The following RICTOR variants were observed in gnomAD, a reference collection of about 807,000 sequenced individuals.
RICTOR encodes RPTOR independent companion of MTOR complex 2.
A neutral mutation model predicts 214.9 loss-of-function variants in RICTOR; 49 were observed. The ratio of observed to expected loss-of-function variants is 0.23; its 90% CI spans 0.18 to 0.29. The LOEUF (loss-of-function observed/expected upper bound fraction) is 0.29, where lower values mean the gene tolerates loss of function less well. Ranked by LOEUF, RICTOR falls within the 10% of genes least tolerant of loss-of-function variation. The pLI is 1.00. For synonymous variants in RICTOR, 717 were observed against 711.3 expected (o/e 1.01, Z -0.13); for missense variants, 1,625 against 2,047.0 (o/e 0.79, Z 3.98).
At position 38,949,903 on chromosome 5, in the gene RICTOR, T is replaced by C. The variant is rs1429262245; in HGVS notation, c.3945A>G (p.Ala1315=). The C allele has an allele frequency of 1.2e-6, 2 of 1,613,476 alleles. No individual in the cohort carries two copies. The highest frequency in any genetic ancestry group is 1.7e-6 in the Non-Finnish European group (2 of 1,179,546). Residue 1315 remains alanine, a synonymous_variant, in exon 31 of 38, where the codon GCA becomes GCG. Coordinates refer to ENST00000357387, the MANE Select transcript of RICTOR (RefSeq NM_152756.5). Reference sequence around the variant, plus strand: ...AACTTGTGTAACTAAAGTTACAATCTGCTAGACTTTTAATTGTAGCAATAG... The same window carrying C: ...AACTTGTGTAACTAAAGTTACAATCCGCTAGACTTTTAATTGTAGCAATAG... ...APSIATIKSL[A]DCNFSYTSSR...
At chr5:39,059,112 T>G (rs868546772) in intron 2 of RICTOR, among the ~76,000 whole-genome samples, 16 of 152,134 alleles carry the variant, frequency 1.1e-4, no homozygotes, top group South Asian at 4.1e-4. Flanking sequence ...ATAACACACC[T>G]GATACACATG....
chr5:39,064,291 A>G (rs1580226074), intron 2 of RICTOR, among the ~76,000 whole-genome samples: 1 of 152,244 alleles, frequency 6.6e-6, no homozygotes, highest in East Asian at 1.9e-4. Context: ...TTAACAGTCA[A>G]CTTCAATTAT....
rs969466713 is a variant in RICTOR, at chr5:38,939,395, T to C, written c.*2909A>G. On this transcript the variant is annotated 3_prime_UTR_variant, in exon 38 of 38. Transcript: ENST00000357387. Reference sequence around the variant, plus strand: ...AGCCTCTTTTAATGTCACTGTCATATAGAATGTCCATATTCTACTAATCGT... The same window carrying C: ...AGCCTCTTTTAATGTCACTGTCATACAGAATGTCCATATTCTACTAATCGT... The C allele has an allele frequency of 4.3e-6, 1 of 232,344 alleles. No individual in the cohort carries two copies. The highest frequency in any genetic ancestry group is 8.5e-6 in the Non-Finnish European group (1 of 117,492). 14.4% of individuals were successfully genotyped at this position (232,344 alleles called of 1,614,324 possible).
intron 24 of RICTOR, 125 bp downstream of exon 24, chr5:38,958,318 C>A: frequency 3.1e-6 from 2 of 644,450 alleles, no homozygotes; most frequent in Non-Finnish European, 5.5e-6. Flanking sequence ...AATGAAAAGA[C>A]AATGTTTCAA....
intron 4 of RICTOR, among the ~76,000 whole-genome samples, chr5:39,003,158 T>A (rs1262147233): frequency 6.6e-6 from 1 of 152,164 alleles, no homozygotes; most frequent in Non-Finnish European, 1.5e-5. Context: ...AAGATAGTTA[T>A]AAAGCCATAT....
At chr5:39,050,722 T>C (rs1257517750) in intron 2 of RICTOR, among the ~76,000 whole-genome samples, 1 of 152,168 alleles carries the variant, frequency 6.6e-6, no homozygotes, top group African/African-American at 2.4e-5. Flanking sequence ...TAGAAATACA[T>C]ACTGATGATC....
chr5:39,049,859 A>G (rs193130250), intron 2 of RICTOR, among the ~76,000 whole-genome samples: 1 of 152,294 alleles, frequency 6.6e-6, no homozygotes, highest in East Asian at 1.9e-4. Flanking sequence ...GAAAAAGGAG[A>G]TGAAACACAT....
rs1353161600 is a variant in RICTOR, at chr5:38,975,773, T to C, written c.822-169A>G. On this transcript the variant is annotated intron_variant, in intron 9 of 37. Transcript: ENST00000357387. ...TACACTAAAGCAAATTAGCCAATTA[T>C]AAACTGACTTCAAACTTAAACTCAC... 2.0e-5 allele frequency among the ~76,000 whole-genome samples: 3 copies of C among 152,232 alleles called. No homozygotes were observed. In the East Asian group the frequency reaches 5.8e-4, roughly 29 times the overall value.
At chr5:38,986,787 T>A (rs1580003203) in intron 7 of RICTOR, among the ~76,000 whole-genome samples, 1 of 152,304 alleles carries the variant, frequency 6.6e-6, no homozygotes, top group East Asian at 1.9e-4. Flanking sequence ...AGAGGGCATC[T>A]TTGTCTTGTG....
At position 38,941,154 on chromosome 5, in the gene RICTOR, C is replaced by T. The variant is rs1747523821; in HGVS notation, c.*1150G>A. ...CAAACAAAAACCTTGCCCTCATCAACTTAACTTCACAAATGGATAAAGGCA... is the reference window on the plus strand; with the variant it reads ...CAAACAAAAACCTTGCCCTCATCAATTTAACTTCACAAATGGATAAAGGCA... On this transcript the variant is annotated 3_prime_UTR_variant, in exon 38 of 38. Transcript: ENST00000357387. The T allele has an allele frequency of 4.3e-6, 1 of 232,782 alleles. No homozygotes were observed. The highest frequency in any genetic ancestry group is 8.5e-6 in the Non-Finnish European group (1 of 117,612). The allele number at this position is 232,782 out of a possible 1,614,324, so 14.4% of individuals were successfully genotyped here. A position where few individuals can be genotyped will look rare whatever the true frequency, so the allele number is the denominator to read the frequency against.
At position 38,947,360 on chromosome 5, in the gene RICTOR, A is replaced by C. The variant is rs999446241; in HGVS notation, c.4218T>G (p.Ser1406=). The C allele has an allele frequency of 1.2e-6, 2 of 1,611,536 alleles. No individual in the cohort carries two copies. Among genetic ancestry groups the C allele is most frequent in the African/African-American group, 2.7e-5 (2 of 74,846 alleles). Residue 1406 remains serine, a synonymous_variant, in exon 32 of 38, where the codon TCT becomes TCG. Transcript: ENST00000357387. The part of the protein sequence containing the change: ...SPINQNTLQR[S]SSVRSMVSSA... ...TGGACACCATGGACCGCACTGAGGA[A>C]GATCGTTGCAGGGTATTTTGATTAA...
chr5:39,022,989 G>A (rs576929965), intron 2 of RICTOR, among the ~76,000 whole-genome samples: 1 of 152,154 alleles, frequency 6.6e-6, no homozygotes, highest in African/African-American at 2.4e-5. Flanking sequence ...CTCAACAAGC[G>A]CCAATCACAA....
At chr5:39,054,560 C>T (rs971791338) in intron 2 of RICTOR, among the ~76,000 whole-genome samples, 5 of 152,240 alleles carry the variant, frequency 3.3e-5, no homozygotes, top group South Asian at 4.2e-4. Flanking sequence ...GTTGATCAAA[C>T]GAATAGAATA....
intron 5 of RICTOR, among the ~76,000 whole-genome samples, chr5:38,997,946 T>G (rs1753299358): frequency 6.6e-6 from 1 of 152,140 alleles, no homozygotes; most frequent in Non-Finnish European, 1.5e-5. Flanking sequence ...TGCAGTGTTC[T>G]CTCCAAGACA....
intron 2 of RICTOR, among the ~76,000 whole-genome samples, chr5:39,056,755 T>G (rs995471592): frequency 1.3e-5 from 2 of 150,124 alleles, no homozygotes; most frequent in Admixed American, 1.3e-4. Flanking sequence ...TTGAACAGAG[T>G]TAAACAGTGA....
chr5:39,000,931 A>C (rs1241559244), intron 5 of RICTOR, among the ~76,000 whole-genome samples: 1 of 152,100 alleles, frequency 6.6e-6, no homozygotes, highest in Non-Finnish European at 1.5e-5. Flanking sequence ...ACTTCTGCAA[A>C]AAACAAACAA....
chr5:39,040,405 A>G (rs1757079425), intron 2 of RICTOR, among the ~76,000 whole-genome samples: 1 of 152,134 alleles, frequency 6.6e-6, no homozygotes, highest in Non-Finnish European at 1.5e-5. Flanking sequence ...AAGATGGCAC[A>G]TGTGTACATA....
chr5:39,050,199 A>AATAT (rs35127418), intron 2 of RICTOR, among the ~76,000 whole-genome samples: 26 of 148,512 alleles, frequency 1.8e-4, no homozygotes, highest in East Asian at 5.9e-4. Flanking sequence ...TAAATAAATA[A>AATAT]ATATATATAT....
intron 2 of RICTOR, among the ~76,000 whole-genome samples, chr5:39,031,063 G>A (rs568816290): frequency 1.3e-4 from 20 of 152,198 alleles, no homozygotes; most frequent in African/African-American, 4.6e-4. Context: ...TTCATACAAG[G>A]TTTTTCACAC....
Sources: gnomAD v4.1 joint callset for allele counts (sites outside exome capture counted in the v4.1 genomes callset) on GRCh38, gnomAD v4.1.1 for gene constraint, MANE v1.5 for transcripts, NCBI Gene and HGNC (gene_info 2026-07-23, HGNC 2026-07-21) for gene names.